Variants in TGFBR2 observed in about 807,000 individuals in gnomAD.
TGFBR2 encodes the protein TGF-beta receptor type-2.
A neutral mutation model predicts 49.0 loss-of-function variants in TGFBR2; 18 were observed. That is an observed-to-expected ratio of 0.37 (90% CI 0.25 to 0.54). The LOEUF is 0.54. TGFBR2 is among the 20% of genes least tolerant of loss of function. The probability of loss-of-function intolerance (pLI) is 0.85; values close to 1 mark genes in which losing one functional copy is unlikely to be tolerated. For missense variants in TGFBR2, 525 were observed against 722.6 expected, an observed-to-expected ratio of 0.73 and a Z score of 3.13; for synonymous variants, 282 against 275.9, an observed-to-expected ratio of 1.02 and a Z score of -0.22.
At chr3:30,614,915 G>C (rs1290516922) in intron 1 of TGFBR2, among the ~76,000 whole-genome samples, 1 of 152,126 alleles carries the variant, frequency 6.6e-6, no homozygotes, top group Non-Finnish European at 1.5e-5. Context: ...AAGACTAGAG[G>C]TTAAGAGAAA....
intron 1 of TGFBR2, among the ~76,000 whole-genome samples, chr3:30,639,788 A>T (rs1436759457): frequency 6.6e-6 from 1 of 152,214 alleles, no homozygotes; most frequent in Non-Finnish European, 1.5e-5. Flanking sequence ...CAGTCGGTAG[A>T]TACATGAATT....
At chr3:30,652,816 A>C (rs1190372061) in intron 3 of TGFBR2, among the ~76,000 whole-genome samples, 1 of 152,208 alleles carries the variant, frequency 6.6e-6, no homozygotes, top group Non-Finnish European at 1.5e-5. Flanking sequence ...AATGGCCTGC[A>C]AGTTGGATCT....
chr3:30,655,096 C>T (rs1281625600), intron 3 of TGFBR2, among the ~76,000 whole-genome samples: 1 of 152,092 alleles, frequency 6.6e-6, no homozygotes, highest in African/African-American at 2.4e-5. Flanking sequence ...AAATACAAAG[C>T]GGGTGGGAGG....
intron 1 of TGFBR2, among the ~76,000 whole-genome samples, chr3:30,637,802 C>G (rs1698565580): frequency 6.6e-6 from 1 of 152,222 alleles, no homozygotes; most frequent in Admixed American, 6.5e-5. Flanking sequence ...ACCTGTTTGT[C>G]CTTACAAACA....
chr3:30,650,448 A>G lies in TGFBR2; in HGVS notation c.442A>G (p.Ile148Val). Reference protein sequence around the residue: ...CSSDECNDNIIFSEEYNTSNP... With the variant: ...CSSDECNDNIVFSEEYNTSNP... ...CTCTGATGAGTGCAATGACAACATC[A>G]TCTTCTCAGAAGGTGAGTTTTCTTC... Residue 148 changes from isoleucine (I) to valine (V), a missense_variant, in exon 3 of 7, where the codon ATC (isoleucine) becomes GTC (valine). By Grantham distance (29) the Ile-to-Val change is conservative. Coordinates refer to ENST00000295754, the MANE Select transcript of TGFBR2 (RefSeq NM_003242.6). The G allele has an allele frequency of 6.2e-7, 1 of 1,613,904 alleles. No individual in the cohort carries two copies. Among genetic ancestry groups the G allele is most frequent in the Non-Finnish European group, 8.5e-7 (1 of 1,179,938 alleles).
At chr3:30,653,689 A>C (rs1698942503) in intron 3 of TGFBR2, among the ~76,000 whole-genome samples, 3 of 152,232 alleles carry the variant, frequency 2.0e-5, no homozygotes, top group Admixed American at 1.3e-4. Context: ...GCAGCTACAC[A>C]ATGGATGATA....
chr3:30,656,868 A>G (rs1344859163), intron 3 of TGFBR2, among the ~76,000 whole-genome samples: 2 of 152,224 alleles, frequency 1.3e-5, no homozygotes, highest in African/African-American at 2.4e-5. Flanking sequence ...TGGCAAGCCC[A>G]TGGCCTAGGC....
intron 1 of TGFBR2, among the ~76,000 whole-genome samples, chr3:30,633,018 T>C (rs1458942936): frequency 2.0e-5 from 3 of 152,208 alleles, no homozygotes; most frequent in Non-Finnish European, 4.4e-5. Context: ...CAACTCCTAG[T>C]AGTCACACCT....
intron 3 of TGFBR2, among the ~76,000 whole-genome samples, chr3:30,669,001 A>T (rs774015132): frequency 6.6e-6 from 1 of 151,944 alleles, no homozygotes; most frequent in Admixed American, 6.6e-5. Flanking sequence ...TGCTGGGCCA[A>T]GCGCAGTGGC....
At chr3:30,622,964 A>C (rs941047968) in intron 1 of TGFBR2, among the ~76,000 whole-genome samples, 1 of 151,830 alleles carries the variant, frequency 6.6e-6, no homozygotes, top group East Asian at 1.9e-4. Context: ...AGAAAAAAGA[A>C]GTGATTTGAA....
intron 3 of TGFBR2, among the ~76,000 whole-genome samples, chr3:30,657,008 ATGAAGTGAAACCCG>A (rs566932950): frequency 6.1e-4 from 93 of 152,298 alleles, no homozygotes; most frequent in African/African-American, 2.1e-3. Context: ...CATTTTTATG[ATGAAGTGAAACCCG>A]TGAATTGGCT....
intron 1 of TGFBR2, among the ~76,000 whole-genome samples, chr3:30,625,658 A>C (rs1458966372): frequency 6.6e-6 from 1 of 152,236 alleles, no homozygotes; most frequent in South Asian, 2.1e-4. Flanking sequence ...TACAATGGCA[A>C]CTAAATGCCC....
chr3:30,607,398 C>A (rs548259906), intron 1 of TGFBR2, among the ~76,000 whole-genome samples: 1 of 152,378 alleles, frequency 6.6e-6, no homozygotes, highest in South Asian at 2.1e-4. Flanking sequence ...CGTGCCCACC[C>A]AGCTCTTTCT....
intron 3 of TGFBR2, among the ~76,000 whole-genome samples, chr3:30,665,466 G>C (rs973827594): frequency 3.9e-5 from 6 of 152,168 alleles, no homozygotes; most frequent in African/African-American, 1.4e-4. Context: ...AAATTGTCCG[G>C]TGCCTAACCC....
In TGFBR2 at chr3:30,671,745, T is replaced by G. The variant is rs973407277; in HGVS notation, c.562T>G (p.Cys188Gly). ...VAISVIIIFYCYRVNRQQKLS... is the reference protein window; with the variant it reads ...VAISVIIIFYGYRVNRQQKLS... ...CATATCTGTCATCATCATCTTCTACTGCTACCGCGTTAACCGGCAGCAGAA... is the reference window on the plus strand; with the variant it reads ...CATATCTGTCATCATCATCTTCTACGGCTACCGCGTTAACCGGCAGCAGAA... The change falls in exon 4 of 7, where the codon TGC becomes GGC. Residue 188 changes from cysteine (C) to glycine (G), a missense_variant. By Grantham distance (159) the Cys-to-Gly change is radical (BLOSUM62 -3). Transcript: ENST00000295754. The G allele has an allele frequency of 5.0e-6, 8 of 1,614,214 alleles. No homozygotes were observed. Among genetic ancestry groups the G allele is most frequent in the Non-Finnish European group, 6.8e-6 (8 of 1,180,032 alleles).
intron 5 of TGFBR2, among the ~76,000 whole-genome samples, chr3:30,682,077 C>T (rs1031127898): frequency 3.3e-5 from 5 of 152,116 alleles, no homozygotes; most frequent in African/African-American, 1.2e-4. Context: ...TGCTCCAGGC[C>T]GAGCTGGGAG....
At chr3:30,677,025 A>C (rs550264529) in intron 5 of TGFBR2, among the ~76,000 whole-genome samples, 6 of 152,124 alleles carry the variant, frequency 3.9e-5, no homozygotes, top group Admixed American at 1.3e-4. Flanking sequence ...GTCAGAATAA[A>C]TTTACCTAGA....
chr3:30,668,200 G>A (rs1025703236), intron 3 of TGFBR2, among the ~76,000 whole-genome samples: 7 of 152,096 alleles, frequency 4.6e-5, no homozygotes, highest in African/African-American at 7.2e-5. Context: ...TAAAACAAAC[G>A]TTTGTTGAAT....
intron 5 of TGFBR2, among the ~76,000 whole-genome samples, chr3:30,678,644 G>GTATAATCT (rs1457759384): frequency 6.6e-6 from 1 of 151,438 alleles, no homozygotes; most frequent in African/African-American, 2.4e-5. Flanking sequence ...TAATCTACAT[G>GTATAATCT]ACAAGTATAG....
Sources: allele counts gnomAD v4.1 joint callset (sites outside exome capture counted in the v4.1 genomes callset), GRCh38; gene constraint gnomAD v4.1.1; transcripts MANE v1.5; gene names NCBI Gene and HGNC (gene_info 2026-07-23, HGNC 2026-07-21).